The following RIC1 variants were observed in gnomAD, a reference collection of about 807,000 sequenced individuals.
The protein encoded by RIC1 is RIC1 partner of RAB6A GEF complex.
In RIC1, 88 loss-of-function variants were observed where a neutral mutation model predicts 169.0. The ratio of observed to expected loss-of-function variants is 0.52; its 90% confidence interval spans 0.44 to 0.62. The LOEUF (loss-of-function observed/expected upper bound fraction) is 0.62, where lower values mean the gene tolerates loss of function less well. Ranked by LOEUF, RIC1 falls within the 20% of genes least tolerant of loss-of-function variation. The pLI, the probability that RIC1 is intolerant of heterozygous loss-of-function variation, is 0.00. For missense variants in RIC1, 1,877 were observed against 1,725.5 expected, an observed-to-expected ratio of 1.09 and a Z score of -1.56; for synonymous variants, 790 against 601.5, an observed-to-expected ratio of 1.31 and a Z score of -4.59.
chr9:5,644,500 T>C (rs1818406022), intron 1 of RIC1, among the ~76,000 whole-genome samples: 1 of 152,232 alleles, frequency 6.6e-6, no homozygotes, highest in Admixed American at 6.5e-5. Flanking sequence ...AGAATGTGCA[T>C]TGTACACATA....
chr9:5,672,037 C>A (rs1260841738), intron 2 of RIC1, among the ~76,000 whole-genome samples: 2 of 152,188 alleles, frequency 1.3e-5, no homozygotes, highest in African/African-American at 4.8e-5. Flanking sequence ...CAGGTGAACT[C>A]AGTTGCTGCC....
intron 3 of RIC1, among the ~76,000 whole-genome samples, chr9:5,697,779 G>T (rs1457314194): frequency 2.0e-5 from 3 of 152,112 alleles, no homozygotes; most frequent in African/African-American, 4.8e-5. Flanking sequence ...ATCTCAAATG[G>T]ATTCATCCTC....
chr9:5,644,607 T>C (rs764966038), intron 1 of RIC1, among the ~76,000 whole-genome samples: 5 of 152,226 alleles, frequency 3.3e-5, no homozygotes, highest in Non-Finnish European at 7.3e-5. Flanking sequence ...TTTTTGTTGC[T>C]GAATATTTTT....
intron 3 of RIC1, among the ~76,000 whole-genome samples, chr9:5,695,284 A>G (rs1269577387): frequency 1.3e-5 from 2 of 152,232 alleles, no homozygotes; most frequent in South Asian, 2.1e-4. Flanking sequence ...TATAGTTAGT[A>G]AGAAATGATG....
rs1822920119 is a variant in RIC1, at chr9:5,711,455, A to T, written c.333-2441A>T. The stretch of plus-strand genomic sequence containing the variant: ...ATTAATAGTTTATTAGTGTCATCAA[A>T]TACTCAGTCTGTGTTCAGTTTTCCC... On this transcript the variant is annotated intron_variant, in intron 3 of 25. Transcript: ENST00000414202. 2.0e-5 allele frequency among the ~76,000 whole-genome samples: 3 copies of T among 152,232 alleles called. No individual in the cohort carries two copies. In the South Asian group the frequency reaches 6.2e-4, roughly 32 times the overall value.
At chr9:5,767,478 T>TC (rs1308263836) in intron 21 of RIC1, among the ~76,000 whole-genome samples, 1 of 18,174 alleles carries the variant, frequency 5.5e-5, no homozygotes, top group Non-Finnish European at 1.0e-4. Flanking sequence ...GTTCATATTC[T>TC]CTTTTTTTTT....
chr9:5,731,982 C>T (rs1425967985), intron 6 of RIC1, among the ~76,000 whole-genome samples: 1 of 152,192 alleles, frequency 6.6e-6, no homozygotes, highest in East Asian at 1.9e-4. Flanking sequence ...CTACTTTTCA[C>T]TGACTGAGAA....
chr9:5,763,203 G>C lies in RIC1; in HGVS notation c.2176G>C (p.Ala726Pro). 2.5e-6 allele frequency: 4 copies of C among 1,614,062 alleles called. No individual in the cohort carries two copies. The highest frequency in any genetic ancestry group is 1.1e-5 in the South Asian group (1 of 91,080). Residue 726 changes from alanine (A) to proline (P), a missense_variant, in exon 19 of 26, where the codon GCA (alanine) becomes CCA (proline). Ala to Pro is a conservative substitution (Grantham distance 27). Coordinates refer to ENST00000414202, the MANE Select transcript of RIC1 (RefSeq NM_020829.4). This position sits in a 1 kb window ranked among gnomAD's most constrained non-coding sequence, Gnocchi z 5.2. Reference protein sequence around the residue: ...SVENVWTTCRANKQKRHLLEA... With the variant: ...SVENVWTTCRPNKQKRHLLEA... ...TGAAAATGTCTGGACAACGTGTCGA[G>C]CAAATAAACAGAAACGTCACCTTCT... is the stretch of plus-strand genomic sequence containing the variant.
At chr9:5,725,798 G>C (rs1030079542) in intron 6 of RIC1, among the ~76,000 whole-genome samples, 2 of 152,082 alleles carry the variant, frequency 1.3e-5, no homozygotes, top group Non-Finnish European at 2.9e-5. Flanking sequence ...CTTTATTTCT[G>C]CCTTCATTTC....
intron 2 of RIC1, among the ~76,000 whole-genome samples, chr9:5,673,553 T>TATAA (rs979355894): frequency 2.1e-5 from 3 of 144,440 alleles, no homozygotes; most frequent in Admixed American, 6.8e-5. Context: ...TATATATATA[T>TATAA]ATATAAATAA....
chr9:5,708,063 A>G (rs1012254504), intron 3 of RIC1, among the ~76,000 whole-genome samples: 1 of 151,474 alleles, frequency 6.6e-6, no homozygotes, highest in Non-Finnish European at 1.5e-5. Context: ...TTTTTTGTAC[A>G]TGTTTTAGTT....
At chr9:5,687,823 AC>A (rs896879723) in intron 2 of RIC1, among the ~76,000 whole-genome samples, 2 of 151,986 alleles carry the variant, frequency 1.3e-5, no homozygotes, top group African/African-American at 4.8e-5. Context: ...TCTGACTCTT[AC>A]CCCTGTCATG....
At chr9:5,717,280 G>A (rs911867767) in intron 4 of RIC1, among the ~76,000 whole-genome samples, 1 of 152,126 alleles carries the variant, frequency 6.6e-6, no homozygotes, top group African/African-American at 2.4e-5. Flanking sequence ...CAGGTAGTCA[G>A]ATTACTGGAG....
At chr9:5,647,245 G>C (rs1475687571) in intron 1 of RIC1, among the ~76,000 whole-genome samples, 2 of 152,282 alleles carry the variant, frequency 1.3e-5, no homozygotes, top group African/African-American at 2.4e-5. Context: ...GTCAGGAAAT[G>C]TGAGACGTCC....
chr9:5,743,148 T>A (rs1825178613), intron 9 of RIC1, 135 bp downstream of exon 9: 1 of 701,916 alleles, frequency 1.4e-6, no homozygotes, highest in Non-Finnish European at 2.3e-6. Context: ...GTTCATAATC[T>A]GTTCGAATAT....
At chr9:5,672,490 C>G (rs1295038296) in intron 2 of RIC1, among the ~76,000 whole-genome samples, 1 of 152,132 alleles carries the variant, frequency 6.6e-6, no homozygotes, top group East Asian at 1.9e-4. Flanking sequence ...AGAGCTGAAT[C>G]TTTTGTTCCA....
chr9:5,700,562 G>A (rs559727842), intron 3 of RIC1, among the ~76,000 whole-genome samples: 15 of 151,200 alleles, frequency 9.9e-5, no homozygotes, highest in Non-Finnish European at 1.3e-4. Context: ...ATTCTCTTAC[G>A]TATATTAATG....
At chr9:5,648,399 C>T (rs1471450149) in intron 1 of RIC1, among the ~76,000 whole-genome samples, 1 of 151,956 alleles carries the variant, frequency 6.6e-6, no homozygotes, top group Admixed American at 6.5e-5. Context: ...GATGTTTTTT[C>T]TGACTCAATT....
At chr9:5,744,809 A>C (rs1369136598) in intron 10 of RIC1, among the ~76,000 whole-genome samples, 2 of 152,090 alleles carry the variant, frequency 1.3e-5, no homozygotes, top group African/African-American at 4.8e-5. Context: ...TCTGTAGAAA[A>C]CAGAGATATA....
Sources: gnomAD v4.1 joint callset for allele counts (sites outside exome capture counted in the v4.1 genomes callset) on GRCh38, gnomAD v4.1.1 for gene constraint, Gnocchi (gnomAD v3.1) non-coding constraint, MANE v1.5 for transcripts, NCBI Gene and HGNC (gene_info 2026-07-23, HGNC 2026-07-21) for gene names.